The following COL13A1 variants were observed in gnomAD, a reference collection of about 807,000 sequenced individuals.
The protein encoded by COL13A1 is collagen alpha-1(XIII) chain.
Under a neutral mutation model 130.9 loss-of-function variants are expected in COL13A1, and 89 were observed. The observed-to-expected ratio is 0.68, with a 90% CI of 0.57 to 0.81. The LOEUF is 0.81. COL13A1 is among the 30% of genes least tolerant of loss of function. The pLI is 0.00. For missense variants in COL13A1, 879 were observed against 934.6 expected, an observed-to-expected ratio of 0.94 and a Z score of 0.78; for synonymous variants, 402 against 341.6, an observed-to-expected ratio of 1.18 and a Z score of -1.95.
chr10:69,841,974 G>A (rs927137857), intron 2 of COL13A1, among the ~76,000 whole-genome samples: 3 of 152,194 alleles, frequency 2.0e-5, no homozygotes, highest in Admixed American at 2.0e-4. Flanking sequence ...CCTAAGAGCA[G>A]TGGGGAGCCA....
chr10:69,929,606 C>G (rs1221375459), intron 28 of COL13A1, among the ~76,000 whole-genome samples: 1 of 152,192 alleles, frequency 6.6e-6, no homozygotes, highest in Non-Finnish European at 1.5e-5. Context: ...TAACTCCCCA[C>G]CTGACCCAAA....
At chr10:69,950,432 G>C (rs1196248849) in intron 38 of COL13A1, among the ~76,000 whole-genome samples, 1 of 152,174 alleles carries the variant, frequency 6.6e-6, no homozygotes, top group Non-Finnish European at 1.5e-5. Context: ...TGTTGTGAAA[G>C]TCTGGAACAC....
chr10:69,881,357 C>A (rs2060120679), intron 7 of COL13A1, among the ~76,000 whole-genome samples: 1 of 152,168 alleles, frequency 6.6e-6, no homozygotes, highest in Non-Finnish European at 1.5e-5. Context: ...CCGGCCTCAC[C>A]ACAGCAGCAG....
chr10:69,947,342 G>A lies in COL13A1; in HGVS notation c.2058G>A (p.Arg686=), dbSNP rs2068710161. Residue 686 remains arginine (R), a splice_region_variant and synonymous_variant, in exon 38 of 41, where the codon CGG becomes CGA. Transcript: ENST00000645393. ...LHGPPGDKGN[R]GERGKKGSRG... is the part of the protein sequence containing the mutation. ...GACCACCCGGGGACAAGGGAAACCG[G>A]GTGAGTCTGAGCCCCTGCACTCGTG... The A allele has an allele frequency of 6.2e-7, 1 of 1,612,734 alleles. No homozygotes were observed. The highest frequency in any genetic ancestry group is 1.3e-5 in the African/African-American group (1 of 74,974).
intron 28 of COL13A1, 84 bp downstream of exon 28, chr10:69,929,083 C>A: frequency 9.6e-7 from 1 of 1,040,206 alleles, no homozygotes; most frequent in Non-Finnish European, 1.4e-6. Flanking sequence ...ACCCTCTCAT[C>A]TTCCCAGCAC....
intron 18 of COL13A1, 22 bp from the exon 19 acceptor site, chr10:69,918,263 T>G: frequency 6.4e-7 from 1 of 1,574,274 alleles, no homozygotes; most frequent in Non-Finnish European, 8.7e-7. Flanking sequence ...TCTTCAGACC[T>G]TTTTTTTTCT....
At chr10:69,868,911 C>T (rs1244595345) in intron 3 of COL13A1, among the ~76,000 whole-genome samples, 1 of 152,196 alleles carries the variant, frequency 6.6e-6, no homozygotes, top group African/African-American at 2.4e-5. Context: ...ATAAACTCTG[C>T]CATATAGAGC....
intron 39 of COL13A1, chr10:69,956,280 G>A (rs1323574721): frequency 6.6e-6 from 1 of 152,266 alleles, no homozygotes; most frequent in Non-Finnish European, 1.5e-5. Context: ...GGCAGAACAC[G>A]AACATCTTGA....
chr10:69,876,734 CT>C (rs1377781985), intron 5 of COL13A1, among the ~76,000 whole-genome samples: 1 of 152,234 alleles, frequency 6.6e-6, no homozygotes, highest in African/African-American at 2.4e-5. Context: ...CCATAGCCCT[CT>C]GAGCCCCTGT....
intron 35 of COL13A1, 30 bp downstream of exon 35, chr10:69,941,053 C>CCACT: frequency 1.2e-6 from 2 of 1,613,662 alleles, no homozygotes; most frequent in Non-Finnish European, 1.7e-6. Context: ...CACCCCTCAC[C>CCACT]CCACTCCACT....
At chr10:69,817,847 G>A (rs1233930098) in intron 1 of COL13A1, among the ~76,000 whole-genome samples, 8 of 152,166 alleles carry the variant, frequency 5.3e-5, no homozygotes, top group Non-Finnish European at 1.0e-4. Flanking sequence ...TTAGGTCCTT[G>A]GGAAATGGAG....
At chr10:69,903,025 C>T (rs982569913) in intron 15 of COL13A1, among the ~76,000 whole-genome samples, 170 bp downstream of exon 15, 1 of 152,252 alleles carries the variant, frequency 6.6e-6, no homozygotes, top group Non-Finnish European at 1.5e-5. Context: ...CACTCACCAC[C>T]TGTTGCACTC....
At chr10:69,838,968 A>T (rs1001614221) in intron 2 of COL13A1, among the ~76,000 whole-genome samples, 1 of 152,248 alleles carries the variant, frequency 6.6e-6, no homozygotes, top group African/African-American at 2.4e-5. Context: ...TTTGCTACAC[A>T]CGTGCCAGTT....
intron 2 of COL13A1, among the ~76,000 whole-genome samples, chr10:69,834,225 G>A (rs1849487012): frequency 6.6e-6 from 1 of 152,162 alleles, no homozygotes; most frequent in African/African-American, 2.4e-5. Context: ...AATAGGGTTT[G>A]GGGTCCTGTG....
chr10:69,846,345 A>T (rs929108625), intron 2 of COL13A1, among the ~76,000 whole-genome samples: 4 of 151,532 alleles, frequency 2.6e-5, no homozygotes, highest in Admixed American at 6.6e-5. Context: ...ATCACTTTTC[A>T]GCCCAGCTGC....
intron 27 of COL13A1, among the ~76,000 whole-genome samples, chr10:69,927,446 T>G (rs891852009): frequency 1.4e-4 from 22 of 152,182 alleles, no homozygotes; most frequent in Non-Finnish European, 3.1e-4. Context: ...AGGATGTTTT[T>G]AATGTTTCTC....
chr10:69,885,852 G>T (rs1589291873), intron 7 of COL13A1, among the ~76,000 whole-genome samples: 1 of 152,140 alleles, frequency 6.6e-6, no homozygotes, highest in South Asian at 2.1e-4. Flanking sequence ...TCCGATAGAT[G>T]AGTGGGATCT....
intron 8 of COL13A1, 45 bp downstream of exon 8, chr10:69,887,536 A>G: frequency 6.2e-7 from 1 of 1,606,306 alleles, no homozygotes; most frequent in South Asian, 1.1e-5. Context: ...GGTGGTCTGT[A>G]GGCCTGATTG....
intron 32 of COL13A1, 94 bp downstream of exon 32, chr10:69,935,485 C>T: frequency 1.1e-6 from 1 of 941,198 alleles, no homozygotes; most frequent in Non-Finnish European, 1.5e-6. Context: ...ACTATCACCT[C>T]TTCCTCCCAG....
Sources: gnomAD v4.1 joint callset for allele counts (sites outside exome capture counted in the v4.1 genomes callset) on GRCh38, gnomAD v4.1.1 for gene constraint, MANE v1.5 for transcripts, NCBI Gene and HGNC (gene_info 2026-07-23, HGNC 2026-07-21) for gene names.